The following PAN3 variants were observed in gnomAD, a reference collection of about 807,000 sequenced individuals.
The protein encoded by PAN3 is poly(A) specific ribonuclease subunit PAN3, also known as PAN2-PAN3 deadenylation complex subunit PAN3.
PAN3 carries 19 observed loss-of-function variants against 96.2 expected under a neutral mutation model. The ratio of observed to expected loss-of-function variants is 0.20; its 90% CI spans 0.14 to 0.29. The LOEUF is 0.29. Ranked by LOEUF, PAN3 falls within the 10% of genes least tolerant of loss-of-function variation. The pLI, the probability that PAN3 is intolerant of heterozygous loss-of-function variation, is 1.00. For missense variants in PAN3, 882 were observed against 1,108.1 expected, an observed-to-expected ratio of 0.80 and a Z score of 2.90; for synonymous variants, 433 against 406.6, an observed-to-expected ratio of 1.06 and a Z score of -0.78.
At chr13:28,269,872 TTAAC>T (rs1332649239) in intron 12 of PAN3, among the ~76,000 whole-genome samples, 1 of 152,194 alleles carries the variant, frequency 6.6e-6, no homozygotes, top group African/African-American at 2.4e-5. Context: ...AAGTACATAA[TTAAC>T]CATTTAATTA....
At chr13:28,257,814 A>G (rs1056664836) in intron 7 of PAN3, among the ~76,000 whole-genome samples, 5 of 142,658 alleles carry the variant, frequency 3.5e-5, no homozygotes, top group Non-Finnish European at 6.0e-5. Flanking sequence ...AAAATTATAT[A>G]AATATATATA....
chr13:28,164,687 T>G (rs2138047021), intron 1 of PAN3, among the ~76,000 whole-genome samples: 1 of 152,364 alleles, frequency 6.6e-6, no homozygotes, highest in Middle Eastern at 3.4e-3. Flanking sequence ...TTACTTGTTT[T>G]TACTCATTTT....
At chr13:28,193,569 C>T (rs908433129) in intron 4 of PAN3, among the ~76,000 whole-genome samples, 119 of 151,528 alleles carry the variant, frequency 7.9e-4, no homozygotes, top group Admixed American at 6.6e-3. Flanking sequence ...TGGAGAGACT[C>T]CCATCTCCAC....
intron 14 of PAN3, among the ~76,000 whole-genome samples, chr13:28,275,910 C>T (rs965515327): frequency 6.6e-6 from 1 of 152,112 alleles, no homozygotes; most frequent in African/African-American, 2.4e-5. Context: ...TTCACAAATG[C>T]TAGTTTTGGA....
chr13:28,251,959 C>G (rs1365020353), intron 6 of PAN3, among the ~76,000 whole-genome samples: 1 of 149,298 alleles, frequency 6.7e-6, no homozygotes, highest in African/African-American at 2.5e-5. Flanking sequence ...GTGATCTCGG[C>G]TCACGGCAAC....
At chr13:28,170,260 T>C (rs527495161) in intron 1 of PAN3, among the ~76,000 whole-genome samples, 47 of 152,256 alleles carry the variant, frequency 3.1e-4, no homozygotes, top group African/African-American at 1.1e-3. Flanking sequence ...GAAATTTGTG[T>C]GTTTATTGGG....
intron 2 of PAN3, 48 bp downstream of exon 2, chr13:28,174,441 C>A: frequency 1.3e-6 from 2 of 1,580,832 alleles, no homozygotes; most frequent in Non-Finnish European, 1.7e-6. Context: ...TATTCTAGGG[C>A]CAGAGGACAT....
intron 1 of PAN3, among the ~76,000 whole-genome samples, chr13:28,162,193 A>G (rs895474996): frequency 2.0e-5 from 3 of 152,192 alleles, no homozygotes; most frequent in Admixed American, 6.5e-5. Flanking sequence ...TATACTGTTG[A>G]AGGTTAGTAG....
At chr13:28,264,049 C>T (rs1241701437) in intron 9 of PAN3, among the ~76,000 whole-genome samples, 1 of 152,174 alleles carries the variant, frequency 6.6e-6, no homozygotes. Flanking sequence ...TCCTGAATTA[C>T]AGTGCAGTGA....
At chr13:28,239,188 C>CACACACACACACGCAT (rs1405630497) in intron 6 of PAN3, among the ~76,000 whole-genome samples, 1 of 112,254 alleles carries the variant, frequency 8.9e-6, no homozygotes, top group Non-Finnish European at 1.7e-5. Context: ...CACACACACA[C>CACACACACACACGCAT]GCATGCACAC....
intron 4 of PAN3, among the ~76,000 whole-genome samples, chr13:28,196,185 T>G (rs1237929190): frequency 6.6e-6 from 1 of 152,060 alleles, no homozygotes; most frequent in Non-Finnish European, 1.5e-5. Context: ...GAAACTTAAT[T>G]TTAACTCTTT....
chr13:28,215,538 G>C, intron 5 of PAN3: 1 of 686,368 alleles, frequency 1.5e-6, no homozygotes, highest in Non-Finnish European at 2.6e-6. Context: ...TCACTGCTCA[G>C]TGATTATTCT....
chr13:28,248,485 A>G (rs1884417069), intron 6 of PAN3, among the ~76,000 whole-genome samples: 1 of 151,510 alleles, frequency 6.6e-6, no homozygotes, highest in Non-Finnish European at 1.5e-5. Flanking sequence ...GAAAATGGGC[A>G]TCTTTGTCTT....
At chr13:28,286,540 T>C (rs1382849172) in intron 17 of PAN3, among the ~76,000 whole-genome samples, 1 of 152,214 alleles carries the variant, frequency 6.6e-6, no homozygotes, top group Non-Finnish European at 1.5e-5. Context: ...TGTGGGTTGC[T>C]TGATTCCTGT....
chr13:28,219,495 A>G (rs984936973), intron 5 of PAN3, among the ~76,000 whole-genome samples: 4 of 152,192 alleles, frequency 2.6e-5, no homozygotes, highest in East Asian at 1.9e-4. Flanking sequence ...GCAATATTAT[A>G]TAGACTTTTT....
intron 1 of PAN3, among the ~76,000 whole-genome samples, chr13:28,139,936 GTGTTGTTGT>G (rs568234142): frequency 2.8e-4 from 42 of 151,644 alleles, no homozygotes; most frequent in African/African-American, 4.4e-4. Context: ...TCTTTTTCAT[GTGTTGTTGT>G]TGTTGTTGTT....
At chr13:28,178,708 A>G (rs1392982031) in intron 4 of PAN3, among the ~76,000 whole-genome samples, 2 of 152,180 alleles carry the variant, frequency 1.3e-5, no homozygotes, top group African/African-American at 4.8e-5. Context: ...AAAATTAACT[A>G]AAGCTCAGAA....
At chr13:28,147,142 A>C (rs534523567) in intron 1 of PAN3, among the ~76,000 whole-genome samples, 9 of 152,374 alleles carry the variant, frequency 5.9e-5, no homozygotes, top group Admixed American at 5.2e-4. Context: ...AGTAATTAGT[A>C]CTGGACCGAA....
At chr13:28,199,246 AC>A (rs1878420827) in intron 5 of PAN3, among the ~76,000 whole-genome samples, 1 of 152,110 alleles carries the variant, frequency 6.6e-6, no homozygotes, top group African/African-American at 2.4e-5. Flanking sequence ...TGGGGGTGAA[AC>A]ACTTACCAAT....
Sources: allele counts gnomAD v4.1 joint callset (sites outside exome capture counted in the v4.1 genomes callset), GRCh38; gene constraint gnomAD v4.1.1; transcripts MANE v1.5; gene names NCBI Gene and HGNC (gene_info 2026-07-23, HGNC 2026-07-21).